FBXL4: variants seen among roughly 807,000 people sequenced by gnomAD.
The protein encoded by FBXL4 is F-box/LRR-repeat protein 4.
In FBXL4, 40 loss-of-function variants were observed where a neutral mutation model predicts 58.9. That is an observed-to-expected ratio of 0.68 (90% CI 0.53 to 0.88). FBXL4 has a LOEUF of 0.88. Among genes scored for constraint, FBXL4 ranks in the 40% least tolerant of loss-of-function variants. The pLI is 0.00. For missense variants in FBXL4, 676 were observed against 734.4 expected (o/e 0.92, Z 0.92); for synonymous variants, 263 against 265.5 (o/e 0.99, Z 0.09).
chr6:98,930,169 C>T (rs1479909625), intron 2 of FBXL4, among the ~76,000 whole-genome samples: 4 of 152,156 alleles, frequency 2.6e-5, no homozygotes, highest in African/African-American at 9.7e-5. Flanking sequence ...AGTCAGTGGA[C>T]TCACCAAATG....
At chr6:98,876,986 G>A (rs1400176420) in intron 8 of FBXL4, among the ~76,000 whole-genome samples, 1 of 152,184 alleles carries the variant, frequency 6.6e-6, no homozygotes, top group Non-Finnish European at 1.5e-5. Flanking sequence ...TCTGTCTGGA[G>A]GATGGGCCTA....
intron 2 of FBXL4, among the ~76,000 whole-genome samples, chr6:98,929,966 C>T (rs1047630945): frequency 6.6e-6 from 1 of 152,140 alleles, no homozygotes; most frequent in Non-Finnish European, 1.5e-5. Flanking sequence ...TAGAATCCCA[C>T]CCTATCCTCA....
intron 6 of FBXL4, among the ~76,000 whole-genome samples, chr6:98,902,805 AG>A (rs1209346284): frequency 5.9e-5 from 9 of 152,148 alleles, no homozygotes; most frequent in African/African-American, 1.7e-4. Context: ...GAACCATACT[AG>A]AAAAGTGGAA....
chr6:98,940,654 G>T (rs1009780146), intron 1 of FBXL4, among the ~76,000 whole-genome samples: 1 of 151,722 alleles, frequency 6.6e-6, no homozygotes, highest in Non-Finnish European at 1.5e-5. Flanking sequence ...CTATGGAGTT[G>T]TAAGAGTTCT....
intron 7 of FBXL4, among the ~76,000 whole-genome samples, chr6:98,889,274 A>G (rs1383908249): frequency 6.6e-6 from 1 of 152,182 alleles, no homozygotes; most frequent in Admixed American, 6.5e-5. Flanking sequence ...ACCATACTCC[A>G]ATGATTATAA....
chr6:98,897,131 T>C, intron 7 of FBXL4: 2 of 981,350 alleles, frequency 2.0e-6, no homozygotes, highest in Non-Finnish European at 2.4e-6. Context: ...ATGCCTGCTA[T>C]ATTTCTTATT....
In FBXL4 at chr6:98,917,553, C is replaced by G. The variant is rs1373061405; in HGVS notation, c.679G>C (p.Gly227Arg). 1 of 1,613,864 alleles carries G rather than the reference C, an allele frequency of 6.2e-7. No individual in the cohort carries two copies. Among genetic ancestry groups the G allele is most frequent in the African/African-American group, 1.3e-5 (1 of 74,910 alleles). ...YTELDAVVLH[G>R]VKDKPVLSLK... ...GAAAGCACTGGCTTGTCCTTCACAC[C>G]ATGTAGCACAACTGCATCTAATTCA... Residue 227 changes from glycine (G) to arginine (R), a missense_variant, in exon 5 of 10, where the codon GGT (glycine) becomes CGT (arginine). Gly to Arg is a moderately radical substitution (Grantham distance 125, BLOSUM62 -2). Coordinates refer to ENST00000369244, the MANE Select transcript of FBXL4 (RefSeq NM_001278716.2).
At chr6:98,946,831 T>C (rs1216723220) in intron 1 of FBXL4, among the ~76,000 whole-genome samples, 3 of 152,212 alleles carry the variant, frequency 2.0e-5, no homozygotes, top group Non-Finnish European at 2.9e-5. Context: ...GATAAAGGAC[T>C]ATTGGAGCGC....
chr6:98,934,723 G>C (rs1773141255), intron 2 of FBXL4, 39 bp downstream of exon 2: 1 of 152,076 alleles, frequency 6.6e-6, no homozygotes, highest in African/African-American at 2.4e-5. Context: ...TTTTTAATCA[G>C]TAAGGCCCCA....
chr6:98,897,385 A>G (rs1320034649), intron 7 of FBXL4: 1 of 976,884 alleles, frequency 1.0e-6, no homozygotes, highest in Admixed American at 6.2e-5. Flanking sequence ...AGGGACAATA[A>G]TTATTTCATT....
At chr6:98,938,041 CTTTTTT>C (rs71015480) in intron 1 of FBXL4, among the ~76,000 whole-genome samples, 1 of 121,082 alleles carries the variant, frequency 8.3e-6, no homozygotes. Context: ...CCCCTGCACC[CTTTTTT>C]TTTTTTTTTT....
At chr6:98,913,839 G>A (rs1772208277) in intron 5 of FBXL4, among the ~76,000 whole-genome samples, 1 of 151,984 alleles carries the variant, frequency 6.6e-6, no homozygotes, top group Non-Finnish European at 1.5e-5. Context: ...AGGAAATAGA[G>A]ACATAAAAAA....
chr6:98,889,386 A>T (rs1771145384), intron 7 of FBXL4, among the ~76,000 whole-genome samples: 1 of 152,062 alleles, frequency 6.6e-6, no homozygotes, highest in Non-Finnish European at 1.5e-5. Flanking sequence ...AAATACTCAG[A>T]CTACTACAAT....
chr6:98,898,866 C>G, intron 7 of FBXL4: 3 of 985,334 alleles, frequency 3.0e-6, no homozygotes, highest in Non-Finnish European at 2.4e-6. Context: ...TATGGTATTA[C>G]AAATTTTAAC....
intron 7 of FBXL4, among the ~76,000 whole-genome samples, chr6:98,896,286 G>C (rs1042216212): frequency 1.3e-5 from 2 of 152,170 alleles, no homozygotes; most frequent in African/African-American, 4.8e-5. Context: ...TGTATCAAAG[G>C]AAGAAGGAGG....
At chr6:98,889,393 C>T (rs1206425373) in intron 7 of FBXL4, among the ~76,000 whole-genome samples, 1 of 150,936 alleles carries the variant, frequency 6.6e-6, no homozygotes, top group African/African-American at 2.4e-5. Context: ...CAGACTACTA[C>T]AATGACTACA....
chr6:98,909,433 G>A (rs138239592), intron 5 of FBXL4, among the ~76,000 whole-genome samples: 1 of 152,222 alleles, frequency 6.6e-6, no homozygotes, highest in Admixed American at 6.5e-5. Flanking sequence ...AAATACTGGA[G>A]TTTCCAAACA....
intron 1 of FBXL4, among the ~76,000 whole-genome samples, chr6:98,935,307 G>GTT (rs199838719): frequency 4.7e-5 from 6 of 126,496 alleles, no homozygotes; most frequent in Admixed American, 7.9e-5. Context: ...ATGGTTTTTT[G>GTT]TTTTTTTTTT....
intron 4 of FBXL4, among the ~76,000 whole-genome samples, chr6:98,926,068 G>A (rs369772985): frequency 1.3e-5 from 2 of 152,116 alleles, no homozygotes; most frequent in East Asian, 1.9e-4. Context: ...AATCCCCTAA[G>A]GACCTCCTCT....
Sources: gnomAD v4.1 joint callset for allele counts (sites outside exome capture counted in the v4.1 genomes callset) on GRCh38, gnomAD v4.1.1 for gene constraint, MANE v1.5 for transcripts, NCBI Gene and HGNC (gene_info 2026-07-23, HGNC 2026-07-21) for gene names.